Variants in RABL2B observed in about 807,000 individuals in gnomAD.
RABL2B encodes rab-like protein 2B.
Under a neutral mutation model 26.7 loss-of-function variants are expected in RABL2B, and 17 were observed. That is an observed-to-expected ratio of 0.64 (90% CI 0.44 to 0.95). RABL2B has a LOEUF of 0.95. RABL2B is among the 40% of genes least tolerant of loss of function. The pLI is 0.00. For missense variants in RABL2B, 170 were observed against 277.2 expected (o/e 0.61, Z 2.75); for synonymous variants, 70 against 103.9 (o/e 0.67, Z 1.99).
chr22:50,777,856 T>G, intron 3 of RABL2B, 96 bp downstream of exon 3: 1 of 1,595,444 alleles, frequency 6.3e-7, no homozygotes, highest in Non-Finnish European at 8.6e-7. Context: ...TCCTCCTTCC[T>G]GGGCTGCTGG....
At chr22:50,777,052 C>A (rs1176457787) in intron 3 of RABL2B, among the ~76,000 whole-genome samples, 2 of 152,112 alleles carry the variant, frequency 1.3e-5, no homozygotes, top group African/African-American at 2.4e-5. Flanking sequence ...TTGGAAAATG[C>A]AAATGTGGAT....
In RABL2B at chr22:50,776,853, C is replaced by T; in HGVS notation, c.138-104G>A. The T allele has an allele frequency of 2.7e-6, 4 of 1,471,862 alleles. No individual in the cohort carries two copies. The Admixed American group carries it at 6.2e-5, about 23-fold the overall frequency. 91.2% of individuals were successfully genotyped at this position (1,471,862 alleles called of 1,614,324 possible). On this transcript the variant is annotated intron_variant, in intron 3 of 8. Transcript: ENST00000691320. ...AAATGGATCCTCTCCCTCCTCTTCT[C>T]TTTGGAGTTATTGAGATTTTAAATC...
chr22:50,770,142 A>C, intron 5 of RABL2B, 126 bp from the exon 6 acceptor site: 1 of 1,527,320 alleles, frequency 6.5e-7, no homozygotes, highest in Non-Finnish European at 8.9e-7. Context: ...AACGCTCTGA[A>C]TTGCAGCCTC....
At chr22:50,779,121 C>A (rs2085416673) in intron 2 of RABL2B, among the ~76,000 whole-genome samples, 7 of 150,704 alleles carry the variant, frequency 4.6e-5, no homozygotes, top group Admixed American at 4.6e-4. Flanking sequence ...CATAAACTTG[C>A]CTCATCCAAG....
chr22:50,768,583 C>G lies in RABL2B; in HGVS notation c.*193G>C. On this transcript the variant is annotated 3_prime_UTR_variant, in exon 9 of 9. Coordinates refer to ENST00000691320, the MANE Select transcript of RABL2B (RefSeq NM_001130919.3). ...CAAGGAGATCTGGTGGGGAATTCTT[C>G]CACCAGTCCAGAGTTTGCTGGTGCT... 7.4e-7 allele frequency: 1 copy of G among 1,350,238 alleles called. No individual in the cohort carries two copies. Among genetic ancestry groups the G allele is most frequent in the Non-Finnish European group, 9.9e-7 (1 of 1,011,886 alleles). The allele number at this position is 1,350,238 out of a possible 1,614,324, so 83.6% of individuals were successfully genotyped here. A position where few individuals can be genotyped will look rare whatever the true frequency, so the allele number is the denominator to read the frequency against.
chr22:50,772,410 T>C, intron 5 of RABL2B: 3 of 985,742 alleles, frequency 3.0e-6, no homozygotes, highest in South Asian at 9.4e-5. Context: ...GAAAGACAAC[T>C]GAGCTGCTGC....
chr22:50,778,433 A>C (rs1436361585), intron 2 of RABL2B, among the ~76,000 whole-genome samples: 1 of 151,816 alleles, frequency 6.6e-6, no homozygotes, highest in Non-Finnish European at 1.5e-5. Flanking sequence ...GATACAAAAA[A>C]TTAGCCAGGT....
intron 5 of RABL2B, among the ~76,000 whole-genome samples, chr22:50,773,842 G>A (rs1459996577): frequency 2.0e-5 from 3 of 152,020 alleles, no homozygotes; most frequent in Non-Finnish European, 4.4e-5. Flanking sequence ...CAATCACTAA[G>A]TGGGAGGTAG....
At chr22:50,776,052 C>A (rs1214631211) in intron 4 of RABL2B, among the ~76,000 whole-genome samples, 1 of 152,156 alleles carries the variant, frequency 6.6e-6, no homozygotes, top group Non-Finnish European at 1.5e-5. Context: ...TGTGTCTTCA[C>A]CTGTGTGTAT....
At chr22:50,780,637 C>T (rs144888569) in intron 2 of RABL2B, 1 of 469,908 alleles carries the variant, frequency 2.1e-6, no homozygotes, top group Middle Eastern at 3.3e-4. Context: ...ACTGTTTCCA[C>T]CATGGTCTTT....
chr22:50,773,024 G>A, intron 5 of RABL2B: 4 of 1,252,588 alleles, frequency 3.2e-6, no homozygotes, highest in Non-Finnish European at 4.2e-6. Flanking sequence ...GCAGACACAG[G>A]CATGGTGGCA....
At chr22:50,772,406 C>T (rs2084322797) in intron 5 of RABL2B, 1 of 985,626 alleles carries the variant, frequency 1.0e-6, no homozygotes. Flanking sequence ...CTCTGAAAGA[C>T]AACTGAGCTG....
chr22:50,768,763 T>C lies in RABL2B; in HGVS notation c.*13A>G. On this transcript the variant is annotated 3_prime_UTR_variant, in exon 9 of 9. Coordinates refer to ENST00000691320, the MANE Select transcript of RABL2B (RefSeq NM_001130919.3). Reference sequence around the variant, plus strand: ...ATTTTAAAAGGGCTCCACCCACCCCTAGCCCCAGCCCCTCAGCTGTGGGGA... The same window carrying C: ...ATTTTAAAAGGGCTCCACCCACCCCCAGCCCCAGCCCCTCAGCTGTGGGGA... 1.9e-6 allele frequency: 3 copies of C among 1,612,104 alleles called. No individual in the cohort carries two copies. Among genetic ancestry groups the C allele is most frequent in the Non-Finnish European group, 1.7e-6 (2 of 1,178,644 alleles).
chr22:50,776,137 G>A (rs1256829578), intron 4 of RABL2B, among the ~76,000 whole-genome samples: 6 of 152,228 alleles, frequency 3.9e-5, no homozygotes, highest in African/African-American at 4.8e-5. Flanking sequence ...ACAGTTCCCC[G>A]TTTCCCACGT....
At chr22:50,769,390 C>G (rs1308968967) in intron 7 of RABL2B, 65 bp downstream of exon 7, 7 of 1,611,556 alleles carry the variant, frequency 4.3e-6, no homozygotes, top group African/African-American at 1.3e-5. Context: ...AAGCCCTTCT[C>G]TTCACAGCTT....
At chr22:50,782,157 C>T (rs1306393087) in intron 2 of RABL2B, 31 bp downstream of exon 2, 9 of 1,362,752 alleles carry the variant, frequency 6.6e-6, no homozygotes, top group African/African-American at 3.0e-5. Context: ...CTCTCTGGGG[C>T]TGGTATTTAT....
At chr22:50,779,778 A>G (rs2085515156) in intron 2 of RABL2B, among the ~76,000 whole-genome samples, 1 of 152,108 alleles carries the variant, frequency 6.6e-6, no homozygotes, top group Non-Finnish European at 1.5e-5. Flanking sequence ...GAGGTTAGGA[A>G]TTCCAGACCA....
chr22:50,768,666 G>C lies in RABL2B; in HGVS notation c.*110C>G. 6.7e-7 allele frequency: 1 copy of C among 1,491,594 alleles called. No homozygotes were observed. 92.4% of individuals were successfully genotyped at this position (1,491,594 alleles called of 1,614,324 possible). The stretch of plus-strand genomic sequence containing the variant: ...GGGAGGCTAATAGGATGGGTGGGTT[G>C]CAGGAGGTAGAAGAGGGGATGGCCT... On this transcript the variant is annotated 3_prime_UTR_variant, in exon 9 of 9. Transcript: ENST00000691320.
chr22:50,768,932 T>A (rs1555915998), intron 8 of RABL2B, 58 bp from the exon 9 acceptor site: 6 of 1,581,820 alleles, frequency 3.8e-6, no homozygotes, highest in Non-Finnish European at 3.4e-6. Flanking sequence ...GCAGCTCTGA[T>A]ACATTTAGTG....
Sources: allele counts gnomAD v4.1 joint callset (sites outside exome capture counted in the v4.1 genomes callset), GRCh38; gene constraint gnomAD v4.1.1; transcripts MANE v1.5; gene names NCBI Gene and HGNC (gene_info 2026-07-23, HGNC 2026-07-21).